Variants in RAB3GAP2 observed in about 807,000 individuals in gnomAD.
RAB3GAP2 encodes the protein rab3 GTPase-activating protein non-catalytic subunit.
In RAB3GAP2, 87 loss-of-function variants were observed where a neutral mutation model predicts 185.3. The observed-to-expected ratio is 0.47, with a 90% CI of 0.39 to 0.56. The LOEUF is 0.56. RAB3GAP2 is among the 20% of genes least tolerant of loss of function. RAB3GAP2 has a pLI of 0.00. For synonymous variants in RAB3GAP2, 554 were observed against 576.1 expected (o/e 0.96, Z 0.55); for missense variants, 1,492 against 1,638.2 (o/e 0.91, Z 1.54).
At chr1:220,235,949 T>C (rs1307239125) in intron 1 of RAB3GAP2, among the ~76,000 whole-genome samples, 3 of 152,210 alleles carry the variant, frequency 2.0e-5, no homozygotes, top group Non-Finnish European at 4.4e-5. Flanking sequence ...GAGAATTTAA[T>C]TGGGCATCTT....
chr1:220,160,598 C>G (rs1187496311), intron 28 of RAB3GAP2, among the ~76,000 whole-genome samples: 1 of 152,184 alleles, frequency 6.6e-6, no homozygotes, highest in Non-Finnish European at 1.5e-5. Context: ...TTCATCTTAG[C>G]TTTTCTTTTC....
chr1:220,193,173 A>AT (rs1318530492), intron 13 of RAB3GAP2, 67 bp downstream of exon 13: 42 of 1,572,670 alleles, frequency 2.7e-5, no homozygotes, highest in Non-Finnish European at 3.7e-5. Flanking sequence ...CTGAAGGATG[A>AT]TAACATTGCT....
intron 2 of RAB3GAP2, among the ~76,000 whole-genome samples, chr1:220,223,927 G>T (rs1055090242): frequency 6.7e-6 from 1 of 148,420 alleles, no homozygotes; most frequent in Non-Finnish European, 1.5e-5. Context: ...AAAATTAGAG[G>T]CCTGGGAGGT....
At chr1:220,267,100 G>T in intron 1 of RAB3GAP2, 1 of 1,502,074 alleles carries the variant, frequency 6.7e-7, no homozygotes, top group Non-Finnish European at 9.3e-7. Flanking sequence ...CCCAAAATTT[G>T]CAATTTCAAG....
At chr1:220,195,008 C>T (rs1658696206) in intron 12 of RAB3GAP2, 70 bp downstream of exon 12, 3 of 1,429,896 alleles carry the variant, frequency 2.1e-6, no homozygotes, top group Non-Finnish European at 3.0e-6. Context: ...CAACCAAGCA[C>T]ACGGAAAGAC....
chr1:220,174,053 TA>T (rs1658232127), intron 21 of RAB3GAP2, among the ~76,000 whole-genome samples: 1 of 146,812 alleles, frequency 6.8e-6, no homozygotes. Context: ...AGAAAAGAAC[TA>T]AAATTGGATC....
In RAB3GAP2 at chr1:220,231,833, C is replaced by T. The variant is rs369237020; in HGVS notation, c.180+966G>A. Reference sequence around the variant, plus strand: ...ATGAAGAAACATGTTGTCCACACTACATCTGTGAATGAAACAGGCATTAGG... The same window carrying T: ...ATGAAGAAACATGTTGTCCACACTATATCTGTGAATGAAACAGGCATTAGG... On this transcript the variant is annotated intron_variant, in intron 2 of 34. Transcript: ENST00000358951. Among the ~76,000 whole-genome samples the T allele has an allele frequency of 3.9e-5, 6 of 152,348 alleles. 1 individual carries two copies. Among genetic ancestry groups the T allele is most frequent in the African/African-American group, 1.4e-4 (6 of 41,580 alleles).
intron 8 of RAB3GAP2, among the ~76,000 whole-genome samples, chr1:220,202,847 G>A (rs1267031623): frequency 6.6e-6 from 1 of 152,212 alleles, no homozygotes; most frequent in Non-Finnish European, 1.5e-5. Context: ...GGAGGCTGAG[G>A]CAGGAAAATC....
intron 1 of RAB3GAP2, among the ~76,000 whole-genome samples, chr1:220,260,628 T>C (rs914257330): frequency 1.1e-4 from 17 of 152,080 alleles, no homozygotes; most frequent in South Asian, 8.3e-4. Flanking sequence ...TCAGGAAGAA[T>C]AGCTAATGGA....
chr1:220,175,252 AGTCTCACTCT>A (rs1197749707), intron 21 of RAB3GAP2, among the ~76,000 whole-genome samples: 3 of 151,676 alleles, frequency 2.0e-5, no homozygotes, highest in African/African-American at 7.3e-5. Context: ...TTTGAGACAG[AGTCTCACTCT>A]GTTATTTAGG....
intron 2 of RAB3GAP2, among the ~76,000 whole-genome samples, chr1:220,222,401 A>G (rs953076367): frequency 6.6e-6 from 1 of 152,196 alleles, no homozygotes; most frequent in Non-Finnish European, 1.5e-5. Flanking sequence ...TCTCTCACAC[A>G]TAGCATGAAA....
chr1:220,160,262 C>A (rs1657941166), intron 28 of RAB3GAP2, among the ~76,000 whole-genome samples: 1 of 152,046 alleles, frequency 6.6e-6, no homozygotes, highest in African/African-American at 2.4e-5. Flanking sequence ...AAGTTCTGCC[C>A]TCAGAAATAC....
intron 26 of RAB3GAP2, among the ~76,000 whole-genome samples, chr1:220,165,470 A>G (rs575451731): frequency 3.9e-4 from 59 of 152,200 alleles, no homozygotes; most frequent in African/African-American, 1.4e-3. Context: ...AATAATTTAG[A>G]TATCTGCTAA....
At chr1:220,210,164 C>A (rs979095473) in intron 7 of RAB3GAP2, among the ~76,000 whole-genome samples, 2 of 152,016 alleles carry the variant, frequency 1.3e-5, no homozygotes, top group Non-Finnish European at 2.9e-5. Flanking sequence ...AAGGGTTTTA[C>A]TTTGTTGTAG....
intron 1 of RAB3GAP2, chr1:220,253,789 C>A: frequency 3.1e-6 from 5 of 1,611,724 alleles, no homozygotes; most frequent in Non-Finnish European, 4.2e-6. Flanking sequence ...GCAGAAACAG[C>A]GAGAACTTCA....
intron 7 of RAB3GAP2, among the ~76,000 whole-genome samples, 184 bp downstream of exon 7, chr1:220,210,204 G>C (rs527629493): frequency 6.6e-6 from 1 of 152,052 alleles, no homozygotes; most frequent in Non-Finnish European, 1.5e-5. Flanking sequence ...CATTAAATAA[G>C]TAAAAGCAAG....
At chr1:220,177,320 T>C (rs1050273723) in intron 21 of RAB3GAP2, among the ~76,000 whole-genome samples, 5 of 152,216 alleles carry the variant, frequency 3.3e-5, no homozygotes, top group Admixed American at 3.3e-4. Context: ...TTAGAATCCC[T>C]GGAAGGCCCT....
intron 21 of RAB3GAP2, among the ~76,000 whole-genome samples, chr1:220,182,041 A>G (rs1157476569): frequency 6.6e-6 from 1 of 151,476 alleles, no homozygotes; most frequent in Non-Finnish European, 1.5e-5. Flanking sequence ...CTCTCTCTCA[A>G]AGTAAAAGAA....
At chr1:220,271,825 G>A (rs1256707666) in intron 1 of RAB3GAP2, among the ~76,000 whole-genome samples, 2 of 150,716 alleles carry the variant, frequency 1.3e-5, no homozygotes, top group Non-Finnish European at 2.9e-5. Context: ...AAGGAACGGG[G>A]AGGATGCGAT....
Sources: allele counts gnomAD v4.1 joint callset (sites outside exome capture counted in the v4.1 genomes callset), GRCh38; gene constraint gnomAD v4.1.1; transcripts MANE v1.5; gene names NCBI Gene and HGNC (gene_info 2026-07-23, HGNC 2026-07-21).